PPM1D: variants seen among roughly 807,000 people sequenced by gnomAD.
The protein encoded by PPM1D is protein phosphatase 1D.
PPM1D carries 52 observed loss-of-function variants against 58.3 expected under a neutral mutation model. The ratio of observed to expected loss-of-function variants is 0.89; its 90% CI spans 0.71 to 1.12. The LOEUF (loss-of-function observed/expected upper bound fraction) is 1.12. PPM1D is among the 50% of genes most tolerant of loss of function. PPM1D has a pLI of 0.00. For synonymous variants in PPM1D, 278 were observed against 285.1 expected (o/e 0.98, Z 0.25); for missense variants, 564 against 777.2 (o/e 0.73, Z 3.26).
At chr17:60,639,137 C>T (rs1392572440) in intron 3 of PPM1D, among the ~76,000 whole-genome samples, 1 of 151,914 alleles carries the variant, frequency 6.6e-6, no homozygotes, top group Non-Finnish European at 1.5e-5. Flanking sequence ...TTTTTTGAGA[C>T]TGAGTTTTTT....
rs576716819 is a variant in PPM1D, at chr17:60,631,309, C to T, written c.702-2544C>T. ...CACTGCAGCCTGGGCAACAGAACGA[C>T]ACCCTGTCTCAAAACCAAATGAAAA... On this transcript the variant is annotated intron_variant, in intron 2 of 5. Transcript: ENST00000305921. 6.0e-5 allele frequency among the ~76,000 whole-genome samples: 9 copies of T among 150,106 alleles called. 1 individual carries two copies. The highest frequency in any genetic ancestry group is 4.3e-4 in the South Asian group (2 of 4,700).
intron 3 of PPM1D, among the ~76,000 whole-genome samples, chr17:60,640,561 C>G (rs1462390958): frequency 6.6e-6 from 1 of 152,024 alleles, no homozygotes; most frequent in African/African-American, 2.4e-5. Context: ...CTTTTAGATT[C>G]AGGAAGTACA....
chr17:60,658,884 C>T lies in PPM1D; in HGVS notation c.1260+2043C>T, dbSNP rs141738916. 6.0e-3 allele frequency among the ~76,000 whole-genome samples: 919 copies of T among 152,156 alleles called. 5 individuals carry two copies. The highest frequency in any genetic ancestry group is 0.014 in the African/African-American group (583 of 41,518). ...GGCAGAGGCGGGAATCGCTTGAACC[C>T]GGGAGGTAGAGGTTGCAGTGAGCTG... On this transcript the variant is annotated intron_variant, in intron 5 of 5. Coordinates refer to ENST00000305921, the MANE Select transcript of PPM1D (RefSeq NM_003620.4).
At chr17:60,630,895 T>C (rs2030907885) in intron 2 of PPM1D, among the ~76,000 whole-genome samples, 1 of 152,250 alleles carries the variant, frequency 6.6e-6, no homozygotes, top group Admixed American at 6.5e-5. Flanking sequence ...TTATAACTCT[T>C]GTGTTTCATG....
At chr17:60,645,713 GAAAGATAAGAACATA>G (rs2031240060) in intron 3 of PPM1D, among the ~76,000 whole-genome samples, 1 of 147,978 alleles carries the variant, frequency 6.8e-6, no homozygotes, top group Non-Finnish European at 1.5e-5. Flanking sequence ...GGTATCTCCA[GAAAGATAAGAACATA>G]AGAATAATAG....
At position 60,663,743 on chromosome 17, in the gene PPM1D, G is replaced by T; in HGVS notation, c.*191G>T. 1.7e-6 allele frequency: 1 copy of T among 601,224 alleles called. No homozygotes were observed. The highest frequency in any genetic ancestry group is 2.8e-6 in the Non-Finnish European group (1 of 356,888). 37.2% of individuals were successfully genotyped at this position (601,224 alleles called of 1,614,324 possible). ...TAAATGTGGATTTTGTAGATGTTAG[G>T]GTATAAGTTGCTGTAAAATTTGTGT... On this transcript the variant is annotated 3_prime_UTR_variant, in exon 6 of 6. Coordinates refer to ENST00000305921, the MANE Select transcript of PPM1D (RefSeq NM_003620.4).
chr17:60,605,450 T>C (rs987420339), intron 1 of PPM1D, among the ~76,000 whole-genome samples: 12 of 152,188 alleles, frequency 7.9e-5, no homozygotes, highest in Admixed American at 6.5e-4. Flanking sequence ...TTTAATTGTT[T>C]TAGGATTGGC....
chr17:60,662,666 G>A (rs2031545493), intron 5 of PPM1D, among the ~76,000 whole-genome samples: 2 of 152,112 alleles, frequency 1.3e-5, no homozygotes. Flanking sequence ...GTTCCTTAAT[G>A]TATCTTATTT....
chr17:60,606,900 G>C (rs2030340540), intron 1 of PPM1D, among the ~76,000 whole-genome samples: 1 of 152,050 alleles, frequency 6.6e-6, no homozygotes, highest in Non-Finnish European at 1.5e-5. Context: ...TGGCTCAAGG[G>C]ATCCTCCTGC....
At chr17:60,631,778 T>A (rs1366630455) in intron 2 of PPM1D, among the ~76,000 whole-genome samples, 1 of 152,202 alleles carries the variant, frequency 6.6e-6, no homozygotes, top group Non-Finnish European at 1.5e-5. Context: ...AAATTAAATT[T>A]AAAAAATCAA....
intron 1 of PPM1D, among the ~76,000 whole-genome samples, chr17:60,618,701 G>A (rs897293323): frequency 1.3e-5 from 2 of 152,012 alleles, no homozygotes; most frequent in African/African-American, 2.4e-5. Flanking sequence ...TTCCTTTGGC[G>A]CGTAGGTGTG....
intron 1 of PPM1D, among the ~76,000 whole-genome samples, chr17:60,610,305 T>C (rs759062778): frequency 2.0e-5 from 3 of 151,860 alleles, no homozygotes; most frequent in Non-Finnish European, 4.4e-5. Flanking sequence ...GATAAGGGGG[T>C]ACTACTCTAT....
intron 5 of PPM1D, 99 bp from the exon 6 acceptor site, chr17:60,662,896 C>T: frequency 8.5e-7 from 1 of 1,173,752 alleles, no homozygotes; most frequent in Non-Finnish European, 1.2e-6. Context: ...CCGTTTTTGC[C>T]ATCCTACTAG....
chr17:60,601,993 G>T (rs2030222900), intron 1 of PPM1D, among the ~76,000 whole-genome samples: 1 of 152,226 alleles, frequency 6.6e-6, no homozygotes, highest in Non-Finnish European at 1.5e-5. Flanking sequence ...ATAGAGAAAA[G>T]AGTTAGATTT....
At chr17:60,657,042 G>C (rs2031455356) in intron 5 of PPM1D, 3 of 1,475,164 alleles carry the variant, frequency 2.0e-6, no homozygotes, top group Non-Finnish European at 2.7e-6. Flanking sequence ...CTAATAAAAA[G>C]GTGATTGTGG....
intron 3 of PPM1D, among the ~76,000 whole-genome samples, 192 bp downstream of exon 3, chr17:60,634,169 GGGA>G (rs1408530545): frequency 6.6e-6 from 1 of 152,212 alleles, no homozygotes; most frequent in Non-Finnish European, 1.5e-5. Flanking sequence ...CCAGCACTTT[GGGA>G]GGCTGAGGTG....
chr17:60,652,784 A>G (rs1391369077), intron 4 of PPM1D, among the ~76,000 whole-genome samples: 1 of 151,566 alleles, frequency 6.6e-6, no homozygotes, highest in Admixed American at 6.6e-5. Context: ...TTTTTCATAT[A>G]TCTGTTAATC....
chr17:60,601,230 T>G (rs958273693), intron 1 of PPM1D, among the ~76,000 whole-genome samples: 4 of 152,174 alleles, frequency 2.6e-5, no homozygotes, highest in Admixed American at 2.0e-4. Context: ...GATAAATCGA[T>G]GTTGCACCTG....
At chr17:60,613,204 C>A (rs886337192) in intron 1 of PPM1D, among the ~76,000 whole-genome samples, 7 of 151,450 alleles carry the variant, frequency 4.6e-5, no homozygotes, top group Non-Finnish European at 2.9e-5. Context: ...AGCAGTGTAG[C>A]CTTTTTTTTT....
Sources: allele counts gnomAD v4.1 joint callset (sites outside exome capture counted in the v4.1 genomes callset), GRCh38; gene constraint gnomAD v4.1.1; transcripts MANE v1.5; gene names NCBI Gene and HGNC (gene_info 2026-07-23, HGNC 2026-07-21).